The following DAP variants were observed in gnomAD, a reference collection of about 807,000 sequenced individuals.
The protein encoded by DAP is death-associated protein 1.
In DAP, 8 loss-of-function variants were observed where a neutral mutation model predicts 13.8. That is an observed-to-expected ratio of 0.58 (90% CI 0.34 to 1.05). The LOEUF (loss-of-function observed/expected upper bound fraction) is 1.05. Ranked by LOEUF, DAP falls within the 50% of genes least tolerant of loss-of-function variation. The pLI is 0.03. For synonymous variants in DAP, 47 were observed against 47.5 expected, an observed-to-expected ratio of 0.99 and a Z score of 0.04; for missense variants, 106 against 133.2, an observed-to-expected ratio of 0.80 and a Z score of 1.01.
chr5:10,734,622 G>A (rs182776686), intron 2 of DAP, among the ~76,000 whole-genome samples: 176 of 152,236 alleles, frequency 1.2e-3, no homozygotes, highest in Non-Finnish European at 1.1e-3. Flanking sequence ...TGTGTTCCTA[G>A]GGCGACTCTG....
At chr5:10,681,587 C>T (rs889022986) in intron 3 of DAP, among the ~76,000 whole-genome samples, 1 of 147,480 alleles carries the variant, frequency 6.8e-6, no homozygotes, top group Non-Finnish European at 1.5e-5. Flanking sequence ...GGTGAGGAAC[C>T]CCCAGGCCAG....
intron 1 of DAP, among the ~76,000 whole-genome samples, chr5:10,751,707 T>C (rs1050015202): frequency 3.3e-5 from 5 of 152,140 alleles, no homozygotes; most frequent in African/African-American, 4.8e-5. Context: ...AGGGCTCTAA[T>C]ATAATAGAAA....
intron 2 of DAP, among the ~76,000 whole-genome samples, chr5:10,699,136 A>C (rs1738503879): frequency 6.6e-6 from 1 of 152,182 alleles, no homozygotes; most frequent in South Asian, 2.1e-4. Context: ...AAGGATCTAT[A>C]TTGGAAGACT....
intron 2 of DAP, among the ~76,000 whole-genome samples, chr5:10,690,117 T>TACACAA (rs1374579098): frequency 1.3e-5 from 2 of 151,862 alleles, no homozygotes; most frequent in Non-Finnish European, 2.9e-5. Flanking sequence ...ACTGCACTTT[T>TACACAA]TACACAATAT....
At chr5:10,758,362 ATC>A in intron 1 of DAP, among the ~76,000 whole-genome samples, 2 of 138,674 alleles carry the variant, frequency 1.4e-5, no homozygotes, top group Non-Finnish European at 3.2e-5. Flanking sequence ...TGCTGTTGGC[ATC>A]TGAGGGGTGC....
chr5:10,731,107 A>T (rs1448000772), intron 2 of DAP, among the ~76,000 whole-genome samples: 1 of 46,548 alleles, frequency 2.1e-5, no homozygotes, highest in Non-Finnish European at 3.9e-5. Flanking sequence ...TGGTGGGGGG[A>T]ATCTTTCTCT....
chr5:10,710,374 A>G (rs1236186441), intron 2 of DAP, among the ~76,000 whole-genome samples: 1 of 152,242 alleles, frequency 6.6e-6, no homozygotes, highest in Non-Finnish European at 1.5e-5. Flanking sequence ...TGGCCCTGGC[A>G]GAGGCAGGTT....
intron 2 of DAP, among the ~76,000 whole-genome samples, chr5:10,724,060 C>A (rs553936858): frequency 6.6e-6 from 1 of 152,322 alleles, no homozygotes; most frequent in South Asian, 2.1e-4. Flanking sequence ...AAAGGCAATC[C>A]ATTTCCTTGT....
In DAP at chr5:10,725,369, C is replaced by T. The variant is rs1004117311; in HGVS notation, c.152+22806G>A. ...GTCCTGAGGCGTGTGGGCTCCTGCA[C>T]GCTGGGCCAGGGGTTTCTGAGTGGT... On this transcript the variant is annotated intron_variant, in intron 2 of 3. Transcript: ENST00000230895. Among the ~76,000 whole-genome samples, 30 of 152,268 alleles carry T rather than the reference C, an allele frequency of 2.0e-4. No individual in the cohort carries two copies. In the East Asian group the frequency reaches 5.0e-3, roughly 25 times the overall value.
intron 2 of DAP, among the ~76,000 whole-genome samples, chr5:10,739,718 T>G (rs1739708273): frequency 6.6e-6 from 1 of 152,092 alleles, no homozygotes; most frequent in Non-Finnish European, 1.5e-5. Context: ...TTGATATTTG[T>G]GAGGTCTTGA....
chr5:10,690,835 T>TTAAC (rs1455187554), intron 2 of DAP, among the ~76,000 whole-genome samples: 3 of 152,206 alleles, frequency 2.0e-5, no homozygotes, highest in African/African-American at 7.2e-5. Flanking sequence ...AATTCTGTGT[T>TTAAC]TAACTTTCTG....
intron 2 of DAP, among the ~76,000 whole-genome samples, chr5:10,701,258 A>G (rs1241747038): frequency 3.9e-5 from 6 of 152,250 alleles, no homozygotes; most frequent in Non-Finnish European, 7.3e-5. Flanking sequence ...TAATAAAGGC[A>G]GGTGAAGATG....
At chr5:10,749,702 A>T (rs1306169244) in intron 1 of DAP, among the ~76,000 whole-genome samples, 1 of 150,778 alleles carries the variant, frequency 6.6e-6, no homozygotes, top group Non-Finnish European at 1.5e-5. Context: ...TACAGGAGGC[A>T]TACAGCTTGC....
At chr5:10,720,765 A>G (rs941960064) in intron 2 of DAP, among the ~76,000 whole-genome samples, 1 of 152,232 alleles carries the variant, frequency 6.6e-6, no homozygotes, top group Admixed American at 6.5e-5. Context: ...CTACCTAGTG[A>G]CTAGTTGATT....
intron 2 of DAP, among the ~76,000 whole-genome samples, chr5:10,739,657 A>C (rs1739707164): frequency 6.6e-6 from 1 of 152,286 alleles, no homozygotes; most frequent in Non-Finnish European, 1.5e-5. Flanking sequence ...CCAGGCATTC[A>C]TATCCTAAGC....
chr5:10,747,176 C>A (rs1739927106), intron 2 of DAP, among the ~76,000 whole-genome samples: 1 of 152,250 alleles, frequency 6.6e-6, no homozygotes, highest in Admixed American at 6.5e-5. Flanking sequence ...CTGACTGAGA[C>A]ATCATCTGGA....
intron 2 of DAP, among the ~76,000 whole-genome samples, chr5:10,724,522 A>G (rs1739235678): frequency 6.6e-6 from 1 of 152,240 alleles, no homozygotes; most frequent in Admixed American, 6.5e-5. Flanking sequence ...CAGGAGCAAT[A>G]GGCCAGCACC....
intron 2 of DAP, among the ~76,000 whole-genome samples, chr5:10,745,059 T>C (rs1486179965): frequency 2.0e-5 from 3 of 152,202 alleles, no homozygotes; most frequent in East Asian, 1.9e-4. Flanking sequence ...ACAGAGCAGT[T>C]AGAACAGAGC....
At chr5:10,709,755 GA>G (rs1738793426) in intron 2 of DAP, among the ~76,000 whole-genome samples, 1 of 152,324 alleles carries the variant, frequency 6.6e-6, no homozygotes, top group African/African-American at 2.4e-5. Context: ...CAAGGGCATT[GA>G]AAATGCGGGC....
Sources: allele counts gnomAD v4.1 joint callset (sites outside exome capture counted in the v4.1 genomes callset), GRCh38; gene constraint gnomAD v4.1.1; transcripts MANE v1.5; gene names NCBI Gene and HGNC (gene_info 2026-07-23, HGNC 2026-07-21).